CERS3: variants seen among roughly 807,000 people sequenced by gnomAD.
The protein encoded by CERS3 is ceramide synthase 3, also known as LAG1 homolog, ceramide synthase 3.
A neutral mutation model predicts 50.3 loss-of-function variants in CERS3; 33 were observed. The ratio of observed to expected loss-of-function variants is 0.66; its 90% CI spans 0.50 to 0.88. The LOEUF (loss-of-function observed/expected upper bound fraction) is 0.88, where lower values mean the gene tolerates loss of function less well. Ranked by LOEUF, CERS3 falls within the 40% of genes least tolerant of loss-of-function variation. CERS3 has a pLI of 0.00. For synonymous variants in CERS3, 176 were observed against 155.2 expected (o/e 1.13, Z -0.99); for missense variants, 470 against 460.3 (o/e 1.02, Z -0.19).
intron 1 of CERS3, among the ~76,000 whole-genome samples, chr15:100,525,808 T>C (rs2036771161): frequency 6.6e-6 from 1 of 152,248 alleles, no homozygotes; most frequent in Non-Finnish European, 1.5e-5. Flanking sequence ...AATGATGGGC[T>C]TGATTGTTGC....
chr15:100,485,360 C>A (rs1398586214), intron 4 of CERS3, among the ~76,000 whole-genome samples: 1 of 152,122 alleles, frequency 6.6e-6, no homozygotes, highest in Non-Finnish European at 1.5e-5. Context: ...AAATTGGAAA[C>A]AATATGAATG....
intron 11 of CERS3, among the ~76,000 whole-genome samples, chr15:100,432,729 G>A (rs1053264422): frequency 6.6e-6 from 1 of 152,120 alleles, no homozygotes; most frequent in Non-Finnish European, 1.5e-5. Flanking sequence ...GTTCGAAAGA[G>A]TTGTATGTAT....
chr15:100,508,696 C>T (rs2036254254), intron 2 of CERS3, among the ~76,000 whole-genome samples: 1 of 152,172 alleles, frequency 6.6e-6, no homozygotes, highest in South Asian at 2.1e-4. Flanking sequence ...TGACCCAATT[C>T]TAGCAATTTC....
At chr15:100,456,830 C>A (rs1051739278) in intron 10 of CERS3, among the ~76,000 whole-genome samples, 15 of 151,778 alleles carry the variant, frequency 9.9e-5, no homozygotes, top group Non-Finnish European at 2.1e-4. Flanking sequence ...ACCTGTAATC[C>A]CAGCTACTGG....
At chr15:100,526,113 T>C (rs1567683805) in intron 1 of CERS3, among the ~76,000 whole-genome samples, 3 of 152,224 alleles carry the variant, frequency 2.0e-5, no homozygotes, top group South Asian at 2.1e-4. Context: ...AACATAGAGA[T>C]AGATTGCCAA....
At chr15:100,501,641 G>C (rs1275123559) in intron 3 of CERS3, 36 bp downstream of exon 3, 1 of 1,533,424 alleles carries the variant, frequency 6.5e-7, no homozygotes, top group Non-Finnish European at 9.0e-7. Context: ...AGAGCAAAGA[G>C]GGGGAATGGG....
At chr15:100,411,846 T>G (rs1356021834) in intron 11 of CERS3, among the ~76,000 whole-genome samples, 2 of 152,176 alleles carry the variant, frequency 1.3e-5, no homozygotes, top group South Asian at 2.1e-4. Context: ...GATTTGCGTT[T>G]CCCTAATGAT....
chr15:100,414,819 T>TA (rs143114640), intron 11 of CERS3, among the ~76,000 whole-genome samples: 95 of 141,218 alleles, frequency 6.7e-4, no homozygotes, highest in South Asian at 1.6e-3. Context: ...CCAAAATGAT[T>TA]AAAAAAAAAA....
At chr15:100,452,829 C>G (rs867576772) in intron 11 of CERS3, among the ~76,000 whole-genome samples, 3 of 152,042 alleles carry the variant, frequency 2.0e-5, no homozygotes, top group Middle Eastern at 3.4e-3. Context: ...ACAATTGATA[C>G]CACAGAAATA....
chr15:100,462,206 C>T (rs1481051835), intron 10 of CERS3, among the ~76,000 whole-genome samples: 1 of 152,168 alleles, frequency 6.6e-6, no homozygotes, highest in Non-Finnish European at 1.5e-5. Context: ...TTAACCTTTC[C>T]AAATGGATAA....
chr15:100,430,268 C>T (rs1226952377), intron 11 of CERS3, among the ~76,000 whole-genome samples: 1 of 151,144 alleles, frequency 6.6e-6, no homozygotes, highest in Non-Finnish European at 1.5e-5. Flanking sequence ...GCCGAGATCA[C>T]GCCACTGCAC....
chr15:100,497,046 AAAG>A (rs2035835564), intron 3 of CERS3, among the ~76,000 whole-genome samples: 1 of 152,306 alleles, frequency 6.6e-6, no homozygotes, highest in African/African-American at 2.4e-5. Context: ...AAATTTTAAA[AAAG>A]AAGAAAGAAA....
At chr15:100,483,882 G>A (rs1003056726) in intron 5 of CERS3, among the ~76,000 whole-genome samples, 2 of 148,654 alleles carry the variant, frequency 1.3e-5, no homozygotes, top group Non-Finnish European at 3.0e-5. Flanking sequence ...CCAGGTTCAC[G>A]CCATTCTCCT....
intron 11 of CERS3, among the ~76,000 whole-genome samples, chr15:100,448,429 C>T (rs2034024798): frequency 6.6e-6 from 1 of 152,148 alleles, no homozygotes; most frequent in African/African-American, 2.4e-5. Flanking sequence ...CTCAGTAGTC[C>T]ACATTCCCAT....
chr15:100,423,707 A>G (rs1488822856), intron 11 of CERS3, among the ~76,000 whole-genome samples: 1 of 152,120 alleles, frequency 6.6e-6, no homozygotes, highest in East Asian at 1.9e-4. Context: ...GCAACATGCA[A>G]TTTACCCAAG....
At chr15:100,520,260 G>C (rs555008501) in intron 2 of CERS3, among the ~76,000 whole-genome samples, 1 of 152,336 alleles carries the variant, frequency 6.6e-6, no homozygotes, top group South Asian at 2.1e-4. Flanking sequence ...CAGGACATAA[G>C]TGAGGCTGGG....
rs539722428 is a variant in CERS3, at chr15:100,540,579, C to G, written c.-355+4072G>C. Among the ~76,000 whole-genome samples the G allele has an allele frequency of 7.5e-4, 114 of 152,310 alleles. 1 individual carries two copies. Among genetic ancestry groups the G allele is most frequent in the African/African-American group, 2.4e-3 (101 of 41,576 alleles). The stretch of plus-strand genomic sequence containing the variant: ...AAATTAACCTTTCTCTTCCTAAACT[C>G]TTTATGCTAATTATCCAAATTACAC... On this transcript the variant is annotated intron_variant, in intron 1 of 12. Coordinates refer to the CERS3 transcript ENST00000284382.
chr15:100,508,405 T>C (rs2036244477), intron 2 of CERS3, among the ~76,000 whole-genome samples: 1 of 152,200 alleles, frequency 6.6e-6, no homozygotes, highest in Non-Finnish European at 1.5e-5. Context: ...ATATCACCTA[T>C]ACTGTCAGTA....
At chr15:100,526,281 G>A (rs2142399038) in intron 1 of CERS3, among the ~76,000 whole-genome samples, 1 of 152,324 alleles carries the variant, frequency 6.6e-6, no homozygotes, top group South Asian at 2.1e-4. Flanking sequence ...GTGTTGGGGA[G>A]GGCTTGGAAA....
Sources: gnomAD v4.1 joint callset for allele counts (sites outside exome capture counted in the v4.1 genomes callset) on GRCh38, gnomAD v4.1.1 for gene constraint, MANE v1.5 for transcripts, NCBI Gene and HGNC (gene_info 2026-07-23, HGNC 2026-07-21) for gene names.